The following PAPSS1 variants were observed in gnomAD, a reference collection of about 807,000 sequenced individuals.
PAPSS1 encodes bifunctional 3'-phosphoadenosine 5'-phosphosulfate synthase 1.
Under a neutral mutation model 72.0 loss-of-function variants are expected in PAPSS1, and 50 were observed. The observed-to-expected ratio is 0.69, with a 90% confidence interval of 0.55 to 0.88. The LOEUF (loss-of-function observed/expected upper bound fraction) is 0.88, where lower values mean the gene tolerates loss of function less well. Among genes scored for constraint, PAPSS1 ranks in the 40% least tolerant of loss-of-function variants. The pLI is 0.00. For synonymous variants in PAPSS1, 261 were observed against 263.6 expected (o/e 0.99, Z 0.09); for missense variants, 657 against 782.2 (o/e 0.84, Z 1.91).
At chr4:107,675,105 A>G (rs13136423) in intron 5 of PAPSS1, among the ~76,000 whole-genome samples, 56,748 of 152,060 alleles carry the variant, frequency 0.37, 11,201 homozygotes, top group South Asian at 0.55. Context: ...TGGACACCCT[A>G]ACATCGCAAT....
At chr4:107,696,861 C>T (rs1723078730) in intron 2 of PAPSS1, among the ~76,000 whole-genome samples, 2 of 152,152 alleles carry the variant, frequency 1.3e-5, no homozygotes, top group South Asian at 4.1e-4. Context: ...ATGGCTGCAA[C>T]TGAATATCCC....
chr4:107,698,601 A>T (rs1723131307), intron 2 of PAPSS1, among the ~76,000 whole-genome samples: 1 of 152,212 alleles, frequency 6.6e-6, no homozygotes, highest in Non-Finnish European at 1.5e-5. Flanking sequence ...TATTGACTGC[A>T]GCAGAGACTC....
intron 2 of PAPSS1, among the ~76,000 whole-genome samples, chr4:107,699,167 C>G (rs566954663): frequency 6.6e-6 from 1 of 151,882 alleles, no homozygotes; most frequent in South Asian, 2.1e-4. Flanking sequence ...CAATTTTCCC[C>G]CAAAATTAAT....
Position 107,656,152 on chromosome 4 carries a change from G to A in PAPSS1, c.895+744C>T, listed in dbSNP as rs537307824. Among the ~76,000 whole-genome samples the A allele has an allele frequency of 8.6e-4, 130 of 151,732 alleles. 1 individual carries two copies. Among genetic ancestry groups the A allele is most frequent in the African/African-American group, 3.0e-3 (122 of 41,342 alleles). On this transcript the variant is annotated intron_variant, in intron 7 of 11. Transcript: ENST00000265174. ...TTTTGAGACAGAGTCTCATCCTTTCGCCCAGGCTAGAGTATAGTGGTGCCA... is the reference window on the plus strand; with the variant it reads ...TTTTGAGACAGAGTCTCATCCTTTCACCCAGGCTAGAGTATAGTGGTGCCA...
At chr4:107,703,090 G>GTAGAGAAGTTGAGCCGATGAT (rs1275368824) in intron 1 of PAPSS1, among the ~76,000 whole-genome samples, 1 of 152,140 alleles carries the variant, frequency 6.6e-6, no homozygotes, top group Non-Finnish European at 1.5e-5. Context: ...TCCCTGATGA[G>GTAGAGAAGTTGAGCCGATGAT]TAGAGAAGTT....
At chr4:107,676,734 C>T (rs571860662) in intron 5 of PAPSS1, among the ~76,000 whole-genome samples, 4 of 152,280 alleles carry the variant, frequency 2.6e-5, no homozygotes, top group Admixed American at 6.5e-5. Flanking sequence ...CAAGTCAATC[C>T]TAAGCCAAAA....
chr4:107,696,568 A>T (rs1723068881), intron 2 of PAPSS1, among the ~76,000 whole-genome samples: 1 of 151,894 alleles, frequency 6.6e-6, no homozygotes, highest in Non-Finnish European at 1.5e-5. Context: ...ATCGGTGGGG[A>T]GGTGGAGGCC....
At position 107,698,731 on chromosome 4, in the gene PAPSS1, G is replaced by A. The variant is rs190402770; in HGVS notation, c.175+2440C>T. Among the ~76,000 whole-genome samples the A allele has an allele frequency of 7.2e-5, 11 of 152,248 alleles. No individual in the cohort carries two copies. The East Asian group carries it at 1.7e-3, about 24-fold the overall frequency. On this transcript the variant is annotated intron_variant, in intron 2 of 11. Coordinates refer to ENST00000265174, the MANE Select transcript of PAPSS1 (RefSeq NM_005443.5). ...GAGTTAAAAATTTCAAAGGAACCTC[G>A]TTATAGGGAGGGCCCCACAACATTG...
chr4:107,656,817 T>C, intron 7 of PAPSS1, 79 bp downstream of exon 7: 1 of 1,009,032 alleles, frequency 9.9e-7, no homozygotes, highest in Non-Finnish European at 1.6e-6. Flanking sequence ...CTACTACTTT[T>C]TGTAAACAGT....
intron 5 of PAPSS1, among the ~76,000 whole-genome samples, chr4:107,669,214 C>CT (rs1465729569): frequency 5.9e-5 from 9 of 152,180 alleles, no homozygotes; most frequent in Non-Finnish European, 5.9e-5. Context: ...CAATGAAGTA[C>CT]AGTGGGCAAA....
At chr4:107,679,377 C>T (rs897605391) in intron 5 of PAPSS1, among the ~76,000 whole-genome samples, 1 of 152,118 alleles carries the variant, frequency 6.6e-6, no homozygotes, top group African/African-American at 2.4e-5. Flanking sequence ...GAGCCCACCA[C>T]TACAGAAATT....
intron 9 of PAPSS1, among the ~76,000 whole-genome samples, chr4:107,649,862 A>T (rs556953706): frequency 6.6e-6 from 1 of 152,364 alleles, no homozygotes; most frequent in South Asian, 2.1e-4. Flanking sequence ...ATAAACACTA[A>T]CAGGCTCTTA....
At position 107,720,196 on chromosome 4, in the gene PAPSS1, GAGC is replaced by G. The variant is rs761650706; in HGVS notation, c.-20_-18del. ...GATCTCCATGACCGCGGAGCGCGCT[GAGC>G]AGCCGGGGTTCTCTGCGCCGGGAGG... On this transcript the variant is annotated 5_prime_UTR_variant, in exon 1 of 12. Transcript: ENST00000265174. 2 of 1,598,128 alleles carry G rather than the reference GAGC, an allele frequency of 1.3e-6. No homozygotes were observed. Among genetic ancestry groups the G allele is most frequent in the African/African-American group, 2.7e-5 (2 of 73,176 alleles).
chr4:107,672,206 T>C (rs1209109576), intron 5 of PAPSS1, among the ~76,000 whole-genome samples: 3 of 152,014 alleles, frequency 2.0e-5, no homozygotes, highest in Non-Finnish European at 2.9e-5. Context: ...CTGGGGAGTG[T>C]CAGAAAGTGG....
chr4:107,653,837 T>C (rs950223429), intron 8 of PAPSS1, among the ~76,000 whole-genome samples: 21 of 152,196 alleles, frequency 1.4e-4, no homozygotes, highest in Admixed American at 3.3e-4. Context: ...TATCTTTACA[T>C]ATGAAAGGCA....
intron 10 of PAPSS1, among the ~76,000 whole-genome samples, chr4:107,638,847 A>G (rs1171459015): frequency 6.6e-6 from 1 of 152,246 alleles, no homozygotes; most frequent in Non-Finnish European, 1.5e-5. Context: ...CAGCAAATCA[A>G]TAAGATAGTT....
At chr4:107,669,292 GC>G (rs1387835960) in intron 5 of PAPSS1, among the ~76,000 whole-genome samples, 6 of 152,176 alleles carry the variant, frequency 3.9e-5, no homozygotes, top group African/African-American at 1.4e-4. Context: ...TTCTCCATGT[GC>G]CCTAATGCCC....
chr4:107,678,919 A>G (rs1321532701), intron 5 of PAPSS1, among the ~76,000 whole-genome samples: 1 of 152,180 alleles, frequency 6.6e-6, no homozygotes, highest in Non-Finnish European at 1.5e-5. Context: ...GTGGAAGCAA[A>G]TATGGTCTGC....
chr4:107,618,344 G>GC (rs1384352590), intron 11 of PAPSS1, among the ~76,000 whole-genome samples: 1 of 151,486 alleles, frequency 6.6e-6, no homozygotes, highest in Non-Finnish European at 1.5e-5. Flanking sequence ...CAGTGAAATG[G>GC]CAGAGATACA....
Sources: gnomAD v4.1 joint callset for allele counts (sites outside exome capture counted in the v4.1 genomes callset) on GRCh38, gnomAD v4.1.1 for gene constraint, MANE v1.5 for transcripts, NCBI Gene and HGNC (gene_info 2026-07-23, HGNC 2026-07-21) for gene names.